SCUBE1: variants seen among roughly 807,000 people sequenced by gnomAD.
SCUBE1 encodes signal peptide, CUB and EGF-like domain-containing protein 1.
SCUBE1 carries 59 observed loss-of-function variants against 124.4 expected under a neutral mutation model. The ratio of observed to expected loss-of-function variants is 0.47; its 90% CI spans 0.38 to 0.59. The LOEUF (loss-of-function observed/expected upper bound fraction) is 0.59. Among genes scored for constraint, SCUBE1 ranks in the 20% least tolerant of loss-of-function variants. The pLI is 0.00. For missense variants in SCUBE1, 1,150 were observed against 1,371.2 expected, an observed-to-expected ratio of 0.84 and a Z score of 2.55; for synonymous variants, 545 against 550.9, an observed-to-expected ratio of 0.99 and a Z score of 0.15.
intron 10 of SCUBE1, among the ~76,000 whole-genome samples, chr22:43,227,080 C>T (rs1003487063): frequency 6.6e-5 from 10 of 152,186 alleles, no homozygotes; most frequent in Non-Finnish European, 1.2e-4. Flanking sequence ...CTGTGCCCCA[C>T]GGCTGGGCTG....
At chr22:43,208,794 C>T (rs1011628619) in intron 19 of SCUBE1, among the ~76,000 whole-genome samples, 2 of 152,228 alleles carry the variant, frequency 1.3e-5, no homozygotes, top group African/African-American at 4.8e-5. Context: ...ATGTGACCGG[C>T]AGGTGAATCT....
At position 43,210,605 on chromosome 22, in the gene SCUBE1, G is replaced by A. The variant is rs966448091; in HGVS notation, c.2383+317C>T. ...GGCCCTGTCAGTGCCCCTGTAGGCTGTCAGCCCCCCCAGCAGACCCAGAAA... is the reference window on the plus strand; with the variant it reads ...GGCCCTGTCAGTGCCCCTGTAGGCTATCAGCCCCCCCAGCAGACCCAGAAA... On this transcript the variant is annotated intron_variant, in intron 18 of 21. Coordinates refer to ENST00000360835, the MANE Select transcript of SCUBE1 (RefSeq NM_173050.5). This position sits in a 1 kb window ranked among gnomAD's most constrained non-coding sequence, Gnocchi z 4.5. 9.2e-5 allele frequency among the ~76,000 whole-genome samples: 14 copies of A among 152,202 alleles called. No individual in the cohort carries two copies. The highest frequency in any genetic ancestry group is 9.2e-4 in the Admixed American group (14 of 15,290).
intron 4 of SCUBE1, among the ~76,000 whole-genome samples, chr22:43,269,366 T>A (rs1569003634): frequency 6.6e-6 from 1 of 152,146 alleles, no homozygotes; most frequent in South Asian, 2.1e-4. Flanking sequence ...AGCCAGTGCG[T>A]ACATCACATC....
In SCUBE1 at chr22:43,202,896, G is replaced by C. The variant is rs1245355757; in HGVS notation, c.*1101C>G. ...GTGGTGGTACAGCCTGTGCTCCTGT[G>C]AGCAAGGCCTTGTTTCCTGCTGACA... On this transcript the variant is annotated 3_prime_UTR_variant, in exon 22 of 22. Coordinates refer to ENST00000360835, the MANE Select transcript of SCUBE1 (RefSeq NM_173050.5). 3 of 152,436 alleles carry C rather than the reference G, an allele frequency of 2.0e-5. 1 individual carries two copies. Among genetic ancestry groups the C allele is most frequent in the Middle Eastern group, 6.8e-3 (2 of 294 alleles). 9.4% of individuals were successfully genotyped at this position (152,436 alleles called of 1,614,324 possible).
chr22:43,206,247 CACCCCTACAT>C (rs1018768218), intron 21 of SCUBE1, among the ~76,000 whole-genome samples: 8 of 150,318 alleles, frequency 5.3e-5, no homozygotes, highest in East Asian at 4.0e-4. Context: ...CCAGCACACA[CACCCCTACAT>C]ACCCCTACAT....
At chr22:43,268,239 G>A (rs1040018089) in intron 4 of SCUBE1, among the ~76,000 whole-genome samples, 2 of 152,250 alleles carry the variant, frequency 1.3e-5, no homozygotes, top group Non-Finnish European at 2.9e-5. Flanking sequence ...TTCAAACTCC[G>A]TCCTCCTGTG....
chr22:43,262,822 C>A lies in SCUBE1; in HGVS notation c.508G>T (p.Asp170Tyr), dbSNP rs1923921631. Residue 170 changes from aspartate to tyrosine, a missense_variant, in exon 5 of 22, where the codon GAC becomes TAC. This residue lies in a region of SCUBE1 where 337 missense variants were observed against 482.1 expected (regional missense o/e 0.70). Coordinates refer to ENST00000360835, the MANE Select transcript of SCUBE1 (RefSeq NM_173050.5). ...CGGCAGATGTGGGCACAGCCATGGTCTTTGTTCATGCAGTTCATACCCTCT... is the reference window on the plus strand; with the variant it reads ...CGGCAGATGTGGGCACAGCCATGGTATTTGTTCATGCAGTTCATACCCTCT... The part of the protein sequence containing the change: ...SNEGMNCMNK[D>Y]HGCAHICRET... 1.2e-6 allele frequency: 2 copies of A among 1,614,024 alleles called. No individual in the cohort carries two copies. Among genetic ancestry groups the A allele is most frequent in the East Asian group, 2.2e-5 (1 of 44,896 alleles).
At chr22:43,291,238 T>A in intron 3 of SCUBE1, 58 bp from the exon 4 acceptor site, 1 of 1,572,566 alleles carries the variant, frequency 6.4e-7, no homozygotes, top group Non-Finnish European at 8.7e-7. Context: ...AAGCAGGGCA[T>A]GAGGGGCTGG....
chr22:43,328,760 G>A (rs1926809250), intron 2 of SCUBE1, among the ~76,000 whole-genome samples: 1 of 152,108 alleles, frequency 6.6e-6, no homozygotes, highest in Non-Finnish European at 1.5e-5. Flanking sequence ...GAATCCCCGG[G>A]TGGACTTCCT....
intron 10 of SCUBE1, among the ~76,000 whole-genome samples, chr22:43,224,463 T>C (rs958577321): frequency 3.3e-5 from 5 of 152,204 alleles, no homozygotes; most frequent in Non-Finnish European, 5.9e-5. Flanking sequence ...TGACTTGTCT[T>C]GTGTTTGATG....
chr22:43,293,452 T>C (rs1180526281), intron 3 of SCUBE1, among the ~76,000 whole-genome samples: 2 of 152,228 alleles, frequency 1.3e-5, no homozygotes, highest in East Asian at 3.9e-4. Flanking sequence ...CTAAGCTGGC[T>C]GCGTCAGCGC....
chr22:43,288,141 T>C (rs1425397071), intron 4 of SCUBE1, among the ~76,000 whole-genome samples: 1 of 152,224 alleles, frequency 6.6e-6, no homozygotes, highest in Non-Finnish European at 1.5e-5. Flanking sequence ...GAGAAGGCAC[T>C]TCTTTAACCG....
At chr22:43,287,335 A>G (rs1439233621) in intron 4 of SCUBE1, among the ~76,000 whole-genome samples, 2 of 152,226 alleles carry the variant, frequency 1.3e-5, no homozygotes, top group Non-Finnish European at 2.9e-5. Context: ...CCCTTGATTG[A>G]CCAGAGCAGT....
chr22:43,288,083 A>G lies in SCUBE1; in HGVS notation c.484+2963T>C, dbSNP rs569257551. ...ATCTGTTGTTTTTTGGACTGATTTC[A>G]TTGCCCAGATCAAAAAATCAGGAGA... On this transcript the variant is annotated intron_variant, in intron 4 of 21. Transcript: ENST00000360835. Among the ~76,000 whole-genome samples, 4 of 152,232 alleles carry G rather than the reference A, an allele frequency of 2.6e-5. No individual in the cohort carries two copies. In the South Asian group the frequency reaches 6.2e-4, roughly 24 times the overall value.
At chr22:43,305,384 G>A (rs927677635) in intron 3 of SCUBE1, among the ~76,000 whole-genome samples, 4 of 152,220 alleles carry the variant, frequency 2.6e-5, no homozygotes, top group African/African-American at 9.7e-5. Context: ...GATTCTGGCA[G>A]GCCTGAGAGT....
chr22:43,207,282 C>T (rs118118500), intron 21 of SCUBE1, among the ~76,000 whole-genome samples: 1,815 of 152,272 alleles, frequency 0.012, 11 homozygotes, highest in Middle Eastern at 0.024. Context: ...TGCCTGAGGC[C>T]ACATCACCAG....
At chr22:43,318,876 T>C (rs1244656930) in intron 3 of SCUBE1, among the ~76,000 whole-genome samples, 1 of 152,110 alleles carries the variant, frequency 6.6e-6, no homozygotes, top group Non-Finnish European at 1.5e-5. Context: ...ATTACAGGCA[T>C]GCGCCCAACT....
At chr22:43,253,562 T>C (rs1339025683) in intron 6 of SCUBE1, among the ~76,000 whole-genome samples, 1 of 152,136 alleles carries the variant, frequency 6.6e-6, no homozygotes, top group African/African-American at 2.4e-5. Flanking sequence ...AGAGATCTCC[T>C]TGATGTGTTC....
At chr22:43,232,186 A>C in intron 7 of SCUBE1, 1 of 320,586 alleles carries the variant, frequency 3.1e-6, no homozygotes, top group Non-Finnish European at 6.1e-6. Context: ...CCCGGCAAGA[A>C]AGCAGGGACA....
Sources: allele counts gnomAD v4.1 joint callset (sites outside exome capture counted in the v4.1 genomes callset), GRCh38; gene constraint gnomAD v4.1.1; regional missense constraint gnomAD v4.1.1; non-coding constraint Gnocchi (gnomAD v3.1); transcripts MANE v1.5; gene names NCBI Gene and HGNC (gene_info 2026-07-23, HGNC 2026-07-21).